ARHGAP24: variants seen among roughly 807,000 people sequenced by gnomAD.
ARHGAP24 encodes the protein rho GTPase-activating protein 24.
ARHGAP24 carries 50 observed loss-of-function variants against 76.4 expected under a neutral mutation model. The ratio of observed to expected loss-of-function variants is 0.65; its 90% CI spans 0.52 to 0.83. The LOEUF (loss-of-function observed/expected upper bound fraction) is 0.83, where lower values mean the gene tolerates loss of function less well. ARHGAP24 is among the 40% of genes least tolerant of loss of function. The pLI is 0.00. For synonymous variants in ARHGAP24, 345 were observed against 323.3 expected (o/e 1.07, Z -0.72); for missense variants, 930 against 914.2 (o/e 1.02, Z -0.22).
At position 85,585,905 on chromosome 4, in the gene ARHGAP24, G is replaced by A. The variant is rs187243161; in HGVS notation, c.180+15184G>A. ...TTTATCCTTTGCATCTAGTTGGTTC[G>A]TGGTCACATGTATAAAATACTTGGT... On this transcript the variant is annotated intron_variant, in intron 2 of 9. Coordinates refer to ENST00000395184, the MANE Select transcript of ARHGAP24 (RefSeq NM_001025616.3). Among the ~76,000 whole-genome samples, 139 of 152,210 alleles carry A rather than the reference G, an allele frequency of 9.1e-4. 2 individuals carry two copies. Among genetic ancestry groups the A allele is most frequent in the African/African-American group, 3.2e-3 (131 of 41,530 alleles).
chr4:85,988,405 A>G (rs910613273), intron 8 of ARHGAP24, among the ~76,000 whole-genome samples: 1 of 151,850 alleles, frequency 6.6e-6, no homozygotes, highest in African/African-American at 2.4e-5. Flanking sequence ...ACGACAGAAT[A>G]AAAGACAGAA....
intron 2 of ARHGAP24, among the ~76,000 whole-genome samples, chr4:85,590,380 G>A (rs1728043495): frequency 6.9e-6 from 1 of 145,332 alleles, no homozygotes; most frequent in African/African-American, 2.6e-5. Flanking sequence ...TATTTTTTGA[G>A]ATGGAGTCTC....
intron 2 of ARHGAP24, among the ~76,000 whole-genome samples, chr4:85,696,658 TAGTTTGCTG>T (rs1226171522): frequency 6.6e-6 from 1 of 152,240 alleles, no homozygotes; most frequent in African/African-American, 2.4e-5. Context: ...AATGGCAATT[TAGTTTGCTG>T]AAGTTGTCTC....
rs1294434379 is a variant in ARHGAP24, at chr4:86,001,185, A to G, written c.*463A>G. On this transcript the variant is annotated 3_prime_UTR_variant, in exon 10 of 10. Transcript: ENST00000395184. ...AATGAAGATAAGCAAAAATATAAATATATATATAAATATATGAGTTATTAA... is the reference window on the plus strand; with the variant it reads ...AATGAAGATAAGCAAAAATATAAATGTATATATAAATATATGAGTTATTAA... 1 of 394,982 alleles carries G rather than the reference A, an allele frequency of 2.5e-6. No homozygotes were observed. The highest frequency in any genetic ancestry group is 4.5e-6 in the Non-Finnish European group (1 of 224,430). 24.5% of individuals were successfully genotyped at this position (394,982 alleles called of 1,614,324 possible). A position where few individuals can be genotyped will look rare whatever the true frequency, so the allele number is the denominator to read the frequency against.
At chr4:85,582,698 G>A (rs563832436) in intron 2 of ARHGAP24, among the ~76,000 whole-genome samples, 1 of 152,014 alleles carries the variant, frequency 6.6e-6, no homozygotes, top group South Asian at 2.1e-4. Flanking sequence ...TACTTTAATC[G>A]TTCAACTCTT....
rs115301388 is a variant in ARHGAP24 at position 85,715,682 on chromosome 4, T to C, written c.181-6203T>C. ...ATAGCCAGAACACTTATGGTTACAATTTAATATTTTTCATAAGTGTACAGT... is the reference window on the plus strand; with the variant it reads ...ATAGCCAGAACACTTATGGTTACAACTTAATATTTTTCATAAGTGTACAGT... On this transcript the variant is annotated intron_variant, in intron 2 of 9. Coordinates refer to ENST00000395184, the MANE Select transcript of ARHGAP24 (RefSeq NM_001025616.3). 5.3e-3 allele frequency among the ~76,000 whole-genome samples: 800 copies of C among 152,180 alleles called. 7 individuals are homozygous for C. Among genetic ancestry groups the C allele is most frequent in the African/African-American group, 0.018 (756 of 41,558 alleles).
chr4:85,652,894 T>C (rs1056715333), intron 2 of ARHGAP24, among the ~76,000 whole-genome samples: 2 of 152,156 alleles, frequency 1.3e-5, no homozygotes, highest in African/African-American at 4.8e-5. Flanking sequence ...TTTTCTGAGT[T>C]TTTTGTTTGT....
At chr4:85,527,950 T>C (rs893924385) in intron 1 of ARHGAP24, among the ~76,000 whole-genome samples, 1 of 152,100 alleles carries the variant, frequency 6.6e-6, no homozygotes, top group African/African-American at 2.4e-5. Flanking sequence ...ACCTTTTATG[T>C]GTCAGGAACA....
chr4:85,673,686 A>T (rs1192377508), intron 2 of ARHGAP24, among the ~76,000 whole-genome samples: 16 of 145,412 alleles, frequency 1.1e-4, no homozygotes, highest in Non-Finnish European at 7.6e-5. Context: ...CCCCACTGGT[A>T]AAGTGAAACA....
intron 5 of ARHGAP24, among the ~76,000 whole-genome samples, chr4:85,970,423 T>C (rs559279245): frequency 6.6e-6 from 1 of 152,330 alleles, no homozygotes; most frequent in East Asian, 1.9e-4. Context: ...ATTATCAGCT[T>C]AGTATCTGCA....
chr4:85,485,922 A>G (rs747658129), intron 1 of ARHGAP24, among the ~76,000 whole-genome samples: 2 of 151,940 alleles, frequency 1.3e-5, no homozygotes, highest in Non-Finnish European at 2.9e-5. Context: ...TATTTTCAGT[A>G]GAGACGGGGT....
rs1188606538 is a variant in ARHGAP24 at position 85,923,779 on chromosome 4, A to T, written c.391+9A>T. 6.2e-7 allele frequency: 1 copy of T among 1,613,940 alleles called. No individual in the cohort carries two copies. Among genetic ancestry groups the T allele is most frequent in the South Asian group, 1.1e-5 (1 of 91,072 alleles). On this transcript the variant is annotated intron_variant, in intron 4 of 9. Coordinates refer to ENST00000395184, the MANE Select transcript of ARHGAP24 (RefSeq NM_001025616.3). ...GGGACCTTTCGGAGGAGGTGAGTGT[A>T]CTTTAAAATCATGGAAAAACAGAAA...
chr4:85,846,169 T>A (rs745957888), intron 3 of ARHGAP24, among the ~76,000 whole-genome samples: 8 of 152,166 alleles, frequency 5.3e-5, no homozygotes, highest in Non-Finnish European at 1.0e-4. Context: ...CCTCCCAAAG[T>A]GCTAGGATTA....
chr4:85,888,145 G>A (rs1733670919), intron 3 of ARHGAP24, among the ~76,000 whole-genome samples: 1 of 152,170 alleles, frequency 6.6e-6, no homozygotes, highest in Non-Finnish European at 1.5e-5. Flanking sequence ...GCTTACGCCT[G>A]TAATCCCAGC....
chr4:85,901,373 A>G (rs1734480436), intron 3 of ARHGAP24, among the ~76,000 whole-genome samples: 1 of 152,066 alleles, frequency 6.6e-6, no homozygotes, highest in African/African-American at 2.4e-5. Flanking sequence ...AAGAGGGAAA[A>G]CAAACAAACA....
intron 3 of ARHGAP24, among the ~76,000 whole-genome samples, chr4:85,788,438 A>G (rs1457294272): frequency 6.6e-6 from 1 of 152,156 alleles, no homozygotes; most frequent in Non-Finnish European, 1.5e-5. Context: ...TTATAATCTT[A>G]TCGAAAGTGT....
intron 5 of ARHGAP24, among the ~76,000 whole-genome samples, chr4:85,952,231 A>G (rs1737655588): frequency 6.6e-6 from 1 of 152,206 alleles, no homozygotes; most frequent in African/African-American, 2.4e-5. Context: ...CCTTCACATT[A>G]TATCATGGAC....
At chr4:85,816,007 A>G (rs1205573745) in intron 3 of ARHGAP24, among the ~76,000 whole-genome samples, 3 of 152,104 alleles carry the variant, frequency 2.0e-5, no homozygotes, top group Non-Finnish European at 4.4e-5. Flanking sequence ...AAACCATCAG[A>G]TCTTGTGAGA....
intron 3 of ARHGAP24, among the ~76,000 whole-genome samples, chr4:85,806,779 C>A (rs182271273): frequency 6.6e-6 from 1 of 152,266 alleles, no homozygotes; most frequent in East Asian, 1.9e-4. Context: ...GCTAATGTAA[C>A]TCGGAAATTA....
Sources: gnomAD v4.1 joint callset for allele counts (sites outside exome capture counted in the v4.1 genomes callset) on GRCh38, gnomAD v4.1.1 for gene constraint, MANE v1.5 for transcripts, NCBI Gene and HGNC (gene_info 2026-07-23, HGNC 2026-07-21) for gene names.